The following SLC27A6 variants were observed in gnomAD, a reference collection of about 807,000 sequenced individuals.
SLC27A6 encodes solute carrier family 27 member 6.
SLC27A6 carries 74 observed loss-of-function variants against 63.9 expected under a neutral mutation model. That is an observed-to-expected ratio of 1.16 (90% CI 0.96 to 1.40). The LOEUF is 1.40. SLC27A6 is among the 40% of genes most tolerant of loss of function. The probability of loss-of-function intolerance (pLI) is 0.00; values close to 1 mark genes in which losing one functional copy is unlikely to be tolerated. For missense variants in SLC27A6, 794 were observed against 732.9 expected (o/e 1.08, Z -0.96); for synonymous variants, 287 against 260.8 (o/e 1.10, Z -0.97).
In SLC27A6 at chr5:129,014,075, A is replaced by G. The variant is rs562941608; in HGVS notation, c.970-1810A>G. Among the ~76,000 whole-genome samples the G allele has an allele frequency of 5.9e-5, 9 of 152,248 alleles. No homozygotes were observed. In the South Asian group the frequency reaches 1.4e-3, roughly 24 times the overall value. On this transcript the variant is annotated intron_variant, in intron 4 of 9. Transcript: ENST00000262462. Reference sequence around the variant, plus strand: ...ACTGAACAGTTTCCTGCTCTGGTATATGATTTGGGGTATCGGAATTCTGAT... The same window carrying G: ...ACTGAACAGTTTCCTGCTCTGGTATGTGATTTGGGGTATCGGAATTCTGAT...
chr5:128,995,543 A>G (rs775396675), intron 4 of SLC27A6, among the ~76,000 whole-genome samples: 1 of 152,206 alleles, frequency 6.6e-6, no homozygotes, highest in Non-Finnish European at 1.5e-5. Flanking sequence ...TGGGAGTAGG[A>G]CATTGCTAAT....
chr5:129,013,809 G>A (rs747949120), intron 4 of SLC27A6, among the ~76,000 whole-genome samples: 1 of 151,716 alleles, frequency 6.6e-6, no homozygotes, highest in Admixed American at 6.6e-5. Context: ...GGTATTTTTG[G>A]CATGTTCTTT....
At position 129,033,325 on chromosome 5, in the gene SLC27A6, T is replaced by C; in HGVS notation, c.*43T>C. On this transcript the variant is annotated 3_prime_UTR_variant, in exon 10 of 10. Transcript: ENST00000262462. ...CTTTCATATGCTTTCTTAGGAAGAG[T>C]GAGAGGGGGGTATATGATTCTTTAT... is the stretch of plus-strand genomic sequence containing the variant. The C allele has an allele frequency of 8.2e-7, 1 of 1,222,954 alleles. No individual in the cohort carries two copies. The highest frequency in any genetic ancestry group is 2.5e-5 in the East Asian group (1 of 39,802). The allele number at this position is 1,222,954 out of a possible 1,614,324, so 75.8% of individuals were successfully genotyped here.
chr5:128,966,458 G>T lies in SLC27A6; in HGVS notation c.321G>T (p.Thr107=), dbSNP rs371452698. The T allele has an allele frequency of 1.2e-6, 2 of 1,607,728 alleles. No individual in the cohort carries two copies. The highest frequency in any genetic ancestry group is 1.7e-6 in the Non-Finnish European group (2 of 1,177,214). The change falls in exon 1 of 10, where the codon ACG becomes ACT. Residue 107 remains threonine, a synonymous_variant. Transcript: ENST00000262462. Reference sequence around the variant, plus strand: ...ATTCCTCTCTGAAAAAGGGGGACACGGTGGCTCTGCTGATGAGCAATGAGC... The same window carrying T: ...ATTCCTCTCTGAAAAAGGGGGACACTGTGGCTCTGCTGATGAGCAATGAGC... ...LNHSSLKKGD[T]VALLMSNEPD...
intron 4 of SLC27A6, among the ~76,000 whole-genome samples, chr5:128,995,638 A>G (rs1287253258): frequency 6.6e-6 from 1 of 152,176 alleles, no homozygotes; most frequent in Non-Finnish European, 1.5e-5. Context: ...CCAGGCACAG[A>G]AAAGCTGGGA....
At chr5:128,981,799 T>TTCTC in intron 1 of SLC27A6, among the ~76,000 whole-genome samples, 1 of 111,440 alleles carries the variant, frequency 9.0e-6, no homozygotes, top group Non-Finnish European at 2.0e-5. Flanking sequence ...AAAAGAGTTT[T>TTCTC]TTTCTTTCTT....
At chr5:129,032,495 T>G (rs1380264054) in intron 9 of SLC27A6, among the ~76,000 whole-genome samples, 1 of 152,018 alleles carries the variant, frequency 6.6e-6, no homozygotes, top group Non-Finnish European at 1.5e-5. Context: ...GTATTACAAA[T>G]TACTATTGAA....
chr5:128,981,598 G>A (rs113446583), intron 1 of SLC27A6, among the ~76,000 whole-genome samples: 2,303 of 152,102 alleles, frequency 0.015, 26 homozygotes, highest in African/African-American at 0.025. Flanking sequence ...AATGGCATGC[G>A]GCCAGGTAGA....
At chr5:129,019,974 C>T (rs1483540109) in intron 5 of SLC27A6, among the ~76,000 whole-genome samples, 1 of 151,794 alleles carries the variant, frequency 6.6e-6, no homozygotes, top group African/African-American at 2.4e-5. Flanking sequence ...CAGAAGAGTA[C>T]ACTATATGGG....
At chr5:128,999,540 C>T (rs1352118581) in intron 4 of SLC27A6, among the ~76,000 whole-genome samples, 1 of 152,132 alleles carries the variant, frequency 6.6e-6, no homozygotes, top group Non-Finnish European at 1.5e-5. Flanking sequence ...CCCTTGATTT[C>T]TAGTTTTTTA....
chr5:129,027,244 G>T lies in SLC27A6; in HGVS notation c.1367G>T (p.Gly456Val). ...DKLLCDVFKKGDVYLNTGDLI... is the reference protein window; with the variant it reads ...DKLLCDVFKKVDVYLNTGDLI... ...TTGCTTTGTGATGTTTTTAAGAAGG[G>T]AGATGTTTACCTTAATACTGGAGAC... The change falls in exon 7 of 10, where the codon GGA (glycine) becomes GTA (valine). Residue 456 changes from glycine (G) to valine (V), a missense_variant. Coordinates refer to ENST00000262462, the MANE Select transcript of SLC27A6 (RefSeq NM_001017372.3). The T allele has an allele frequency of 6.2e-7, 1 of 1,613,206 alleles. No homozygotes were observed.
chr5:128,984,443 T>C (rs948761072), intron 1 of SLC27A6, among the ~76,000 whole-genome samples: 4 of 152,256 alleles, frequency 2.6e-5, no homozygotes, highest in Non-Finnish European at 5.9e-5. Context: ...TAACTCAACA[T>C]AGTCTCACCT....
chr5:129,023,596 T>G, intron 5 of SLC27A6, 24 bp from the exon 6 acceptor site: 4 of 1,520,036 alleles, frequency 2.6e-6, no homozygotes, highest in Non-Finnish European at 3.6e-6. Context: ...CTTGTTTCTA[T>G]TTGTTTGATT....
rs758065686 is a variant in SLC27A6, at chr5:129,029,740, T to C, written c.1683+33T>C. 1.1e-5 allele frequency: 17 copies of C among 1,560,936 alleles called. No homozygotes were observed. The Admixed American group carries it at 3.4e-4, about 31-fold the overall frequency. On this transcript the variant is annotated intron_variant, in intron 9 of 9. Transcript: ENST00000262462. Reference sequence around the variant, plus strand: ...TAGTGGCGGAGTTTACTATCAAATATAAGACAGTAAACAAGGAAGTAGTTT... The same window carrying C: ...TAGTGGCGGAGTTTACTATCAAATACAAGACAGTAAACAAGGAAGTAGTTT...
At chr5:128,977,288 C>A (rs533356113) in intron 1 of SLC27A6, among the ~76,000 whole-genome samples, 3 of 152,260 alleles carry the variant, frequency 2.0e-5, no homozygotes, top group African/African-American at 7.2e-5. Context: ...CAAGAGTTTA[C>A]AACCTAGTTC....
chr5:128,978,188 C>CT (rs1750456944), intron 1 of SLC27A6, among the ~76,000 whole-genome samples: 1 of 151,952 alleles, frequency 6.6e-6, no homozygotes, highest in Non-Finnish European at 1.5e-5. Context: ...GTATAAAAAA[C>CT]TTGGTGTCTT....
At chr5:129,025,410 T>C (rs895721300) in intron 6 of SLC27A6, among the ~76,000 whole-genome samples, 2 of 151,954 alleles carry the variant, frequency 1.3e-5, no homozygotes, top group African/African-American at 4.8e-5. Context: ...ACAGAATATA[T>C]CACAGAGGTA....
At chr5:128,979,379 A>T (rs1750504509) in intron 1 of SLC27A6, among the ~76,000 whole-genome samples, 2 of 152,260 alleles carry the variant, frequency 1.3e-5, no homozygotes, top group South Asian at 4.2e-4. Flanking sequence ...TCTCTGGCCA[A>T]AAAGAAGAAG....
At chr5:129,029,838 C>A in intron 9 of SLC27A6, 131 bp downstream of exon 9, 1 of 722,786 alleles carries the variant, frequency 1.4e-6, no homozygotes, top group Non-Finnish European at 2.2e-6. Context: ...AGAGTTGATG[C>A]AGATCGATGC....
Sources: gnomAD v4.1 joint callset for allele counts (sites outside exome capture counted in the v4.1 genomes callset) on GRCh38, gnomAD v4.1.1 for gene constraint, MANE v1.5 for transcripts, NCBI Gene and HGNC (gene_info 2026-07-23, HGNC 2026-07-21) for gene names.